The following SCN11A variants were observed in gnomAD, a reference collection of about 807,000 sequenced individuals.
SCN11A encodes the protein sodium voltage-gated channel alpha subunit 11.
SCN11A carries 122 observed loss-of-function variants against 162.2 expected under a neutral mutation model. The ratio of observed to expected loss-of-function variants is 0.75; its 90% CI spans 0.65 to 0.87. The LOEUF (loss-of-function observed/expected upper bound fraction) is 0.87, where lower values mean the gene tolerates loss of function less well. SCN11A is among the 40% of genes least tolerant of loss of function. SCN11A has a pLI of 0.00. For synonymous variants in SCN11A, 758 were observed against 751.5 expected, an observed-to-expected ratio of 1.01 and a Z score of -0.14; for missense variants, 2,015 against 2,181.6, an observed-to-expected ratio of 0.92 and a Z score of 1.52.
At chr3:38,920,990 A>G (rs1024192165) in intron 10 of SCN11A, 86 bp downstream of exon 10, 2 of 1,245,120 alleles carry the variant, frequency 1.6e-6, no homozygotes, top group Non-Finnish European at 2.3e-6. Context: ...AGACTCTGTA[A>G]GGGAAGTGTG....
intron 5 of SCN11A, among the ~76,000 whole-genome samples, chr3:38,949,489 CT>C: frequency 6.6e-6 from 1 of 152,190 alleles, no homozygotes; most frequent in East Asian, 1.9e-4. Flanking sequence ...ATTTATTGAG[CT>C]CCTACTATGC....
Position 38,847,674 on chromosome 3 carries a change from G to A in SCN11A, c.4396C>T (p.Arg1466Cys), listed in dbSNP as rs902393734. The change falls in exon 30 of 30, where the codon CGC (arginine) becomes TGC (cysteine). Residue 1466 changes from arginine (R) to cysteine (C), a missense_variant. Physicochemically the swap from Arg to Cys is radical, Grantham distance 180 (BLOSUM62 -3). Coordinates refer to ENST00000302328, the MANE Select transcript of SCN11A (RefSeq NM_001349253.2). The stretch of plus-strand genomic sequence containing the variant: ...AGGATTCGGCCAATCCGAGCCAAGC[G>A]GACAATTCTGAAGAGCGTCGGAGGG... ...PFPPTLFRIV[R>C]LARIGRILRL... 1.3e-5 allele frequency: 21 copies of A among 1,613,504 alleles called. No homozygotes were observed. The highest frequency in any genetic ancestry group is 3.3e-4 in the Middle Eastern group (2 of 6,080).
chr3:38,968,727 C>CCTT (rs1371953825), intron 2 of SCN11A, among the ~76,000 whole-genome samples: 5 of 152,154 alleles, frequency 3.3e-5, no homozygotes, highest in African/African-American at 1.2e-4. Context: ...AAAGACCTGG[C>CCTT]CTGAAGCCTA....
chr3:38,849,052 G>A (rs2064727408), intron 29 of SCN11A, among the ~76,000 whole-genome samples: 1 of 152,114 alleles, frequency 6.6e-6, no homozygotes, highest in African/African-American at 2.4e-5. Flanking sequence ...ATCCACTGGG[G>A]CAAATGCCAT....
At chr3:38,943,866 C>T (rs999710451) in intron 7 of SCN11A, among the ~76,000 whole-genome samples, 9 of 152,098 alleles carry the variant, frequency 5.9e-5, no homozygotes, top group African/African-American at 2.2e-4. Flanking sequence ...GTACAAAAAA[C>T]AGACAGAAAG....
chr3:38,863,348 A>C (rs1410237366), intron 27 of SCN11A, 49 bp from the exon 28 acceptor site: 1 of 928,200 alleles, frequency 1.1e-6, no homozygotes, highest in Admixed American at 2.3e-5. Flanking sequence ...TTTTTTTTTA[A>C]TCTAGTTCTG....
At chr3:38,988,625 C>T (rs186003085) in intron 2 of SCN11A, among the ~76,000 whole-genome samples, 8 of 152,342 alleles carry the variant, frequency 5.3e-5, no homozygotes, top group African/African-American at 1.7e-4. Context: ...GTTCTACCAT[C>T]AGCTTGGGAA....
chr3:38,945,457 T>C lies in SCN11A; in HGVS notation c.442A>G (p.Thr148Ala). The change falls in exon 7 of 30, where the codon ACA (threonine) becomes GCA (alanine). Residue 148 changes from threonine (T) to alanine (A), a missense_variant. Thr to Ala is a moderately conservative substitution (Grantham distance 58). Transcript: ENST00000302328. ...CTGTTGCTGTTTTTAGCAGGCCCTG[T>C]AGCCATGAACACGCAGTTGATGATA... ...TVIINCVFMATGPAKNSNSNN... is the reference protein window; with the variant it reads ...TVIINCVFMAAGPAKNSNSNN... 6.2e-7 allele frequency: 1 copy of C among 1,603,686 alleles called. No homozygotes were observed. Among genetic ancestry groups the C allele is most frequent in the South Asian group, 1.1e-5 (1 of 89,930 alleles).
At chr3:39,035,669 T>C (rs1317365556) in intron 1 of SCN11A, among the ~76,000 whole-genome samples, 1 of 152,066 alleles carries the variant, frequency 6.6e-6, no homozygotes, top group African/African-American at 2.4e-5. Context: ...AGATGGAGTC[T>C]CGCTCTGTTG....
intron 20 of SCN11A, 72 bp downstream of exon 20, chr3:38,886,053 C>T (rs1184678981): frequency 1.2e-5 from 12 of 974,440 alleles, no homozygotes; most frequent in Non-Finnish European, 1.9e-5. Flanking sequence ...TGCCATTTTT[C>T]CATAATAACT....
intron 29 of SCN11A, 110 bp downstream of exon 29, chr3:38,850,371 T>C (rs971890524): frequency 4.3e-5 from 42 of 974,194 alleles, no homozygotes; most frequent in Middle Eastern, 2.4e-4. Flanking sequence ...GAAAGTACAC[T>C]TGGCCCAGTT....
chr3:38,849,257 C>CTTTTTTTT (rs55781629), intron 29 of SCN11A: 8 of 69,866 alleles, frequency 1.1e-4, no homozygotes, highest in African/African-American at 2.6e-4. Flanking sequence ...TTTTCTAGCC[C>CTTTTTTTT]TTTTTTTTTT....
At chr3:38,905,437 G>T in intron 14 of SCN11A, 116 bp from the exon 15 acceptor site, 1 of 1,180,608 alleles carries the variant, frequency 8.5e-7, no homozygotes, top group Non-Finnish European at 1.2e-6. Context: ...TTTTCTATAG[G>T]TCTACTCACC....
intron 23 of SCN11A, among the ~76,000 whole-genome samples, chr3:38,872,580 G>A (rs541085270): frequency 6.6e-6 from 1 of 152,218 alleles, no homozygotes; most frequent in South Asian, 2.1e-4. Flanking sequence ...ATCTTGTTAT[G>A]GCAGTCAATT....
rs1206327161 is a variant in SCN11A at position 38,847,335 on chromosome 3, T to G, written c.4735A>C (p.Ile1579Leu). 1 of 1,614,198 alleles carries G rather than the reference T, an allele frequency of 6.2e-7. No homozygotes were observed. The highest frequency in any genetic ancestry group is 8.5e-7 in the Non-Finnish European group (1 of 1,180,036). ...SSSENCHLPG[I>L]ATSYFVSYII... is the part of the protein sequence containing the mutation. ...TAACTGACAAAGTAGGATGTGGCTA[T>G]GCCAGGGAGGTGGCAGTTTTCTGAG... Residue 1579 changes from isoleucine (I) to leucine (L), a missense_variant, in exon 30 of 30, where the codon ATA becomes CTA. Coordinates refer to ENST00000302328, the MANE Select transcript of SCN11A (RefSeq NM_001349253.2).
chr3:38,899,926 T>G lies in SCN11A; in HGVS notation c.1990A>C (p.Arg664=), dbSNP rs776712490. The change falls in exon 17 of 30, where the codon AGA becomes CGA. Residue 664 remains arginine, a synonymous_variant. Transcript: ENST00000302328. The part of the protein sequence containing the change: ...ADVMNCVLQK[R]SWPFLRSFRV... The stretch of plus-strand genomic sequence containing the variant: ...AAGGAACGCAAGAATGGCCAGCTTC[T>G]CTTTTGAAGTACACAGTTCATTACA... 3.7e-6 allele frequency: 6 copies of G among 1,613,996 alleles called. No individual in the cohort carries two copies. In the South Asian group the frequency reaches 6.6e-5, roughly 18 times the overall value.
chr3:38,932,847 T>A (rs1559541118), intron 7 of SCN11A, among the ~76,000 whole-genome samples: 2 of 152,232 alleles, frequency 1.3e-5, no homozygotes, highest in Non-Finnish European at 2.9e-5. Flanking sequence ...GATGTCCCTG[T>A]CTGACAGCTT....
chr3:38,855,772 A>G (rs1460130495), intron 28 of SCN11A, among the ~76,000 whole-genome samples: 2 of 152,190 alleles, frequency 1.3e-5, no homozygotes, highest in East Asian at 3.9e-4. Context: ...AAGCCAGCAT[A>G]CTAAATGTAT....
Position 38,896,999 on chromosome 3 carries a change from T to C in SCN11A, c.2249A>G (p.His750Arg). The change falls in exon 18 of 30, where the codon CAC becomes CGC. Residue 750 changes from histidine (H) to arginine (R), a missense_variant. Coordinates refer to ENST00000302328, the MANE Select transcript of SCN11A (RefSeq NM_001349253.2). ...GPTVSCLRHW[H>R]MGDFWHSFLV... The stretch of plus-strand genomic sequence containing the variant: ...GAAGGAGTGCCAGAAATCCCCCATG[T>C]GCCAGTGCCGTAAACATGAGACTGT... 1.2e-6 allele frequency: 2 copies of C among 1,614,168 alleles called. No individual in the cohort carries two copies. Among genetic ancestry groups the C allele is most frequent in the Non-Finnish European group, 8.5e-7 (1 of 1,180,024 alleles).
Sources: gnomAD v4.1 joint callset for allele counts (sites outside exome capture counted in the v4.1 genomes callset) on GRCh38, gnomAD v4.1.1 for gene constraint, MANE v1.5 for transcripts, NCBI Gene and HGNC (gene_info 2026-07-23, HGNC 2026-07-21) for gene names.